ITFG1: variants seen among roughly 807,000 people sequenced by gnomAD.
ITFG1 encodes the protein T-cell immunomodulatory protein.
In ITFG1, 34 loss-of-function variants were observed where a neutral mutation model predicts 81.8. The ratio of observed to expected loss-of-function variants is 0.42; its 90% CI spans 0.32 to 0.55. The LOEUF (loss-of-function observed/expected upper bound fraction) is 0.55. Among genes scored for constraint, ITFG1 ranks in the 20% least tolerant of loss-of-function variants. The pLI is 0.17. For missense variants in ITFG1, 672 were observed against 755.4 expected, an observed-to-expected ratio of 0.89 and a Z score of 1.29; for synonymous variants, 285 against 270.6, an observed-to-expected ratio of 1.05 and a Z score of -0.52.
intron 5 of ITFG1, among the ~76,000 whole-genome samples, chr16:47,439,345 A>T (rs1969213730): frequency 6.6e-6 from 1 of 152,208 alleles, no homozygotes; most frequent in Non-Finnish European, 1.5e-5. Context: ...CACCACAAAG[A>T]TACTCCTCGA....
intron 8 of ITFG1, among the ~76,000 whole-genome samples, chr16:47,362,111 A>AT (rs1209425779): frequency 2.6e-5 from 4 of 152,042 alleles, no homozygotes; most frequent in Admixed American, 2.6e-4. Context: ...TTCAGAGTCA[A>AT]TTTTTTACTT....
intron 6 of ITFG1, among the ~76,000 whole-genome samples, chr16:47,398,063 C>T (rs1369328511): frequency 6.6e-6 from 1 of 152,212 alleles, no homozygotes; most frequent in Non-Finnish European, 1.5e-5. Flanking sequence ...TTAGAGCAGT[C>T]AAGCCCTGGA....
intron 14 of ITFG1, among the ~76,000 whole-genome samples, chr16:47,184,861 A>C (rs1182699296): frequency 6.6e-6 from 1 of 152,210 alleles, no homozygotes; most frequent in Non-Finnish European, 1.5e-5. Flanking sequence ...AAGACCCATC[A>C]GTGTGCTATA....
At chr16:47,362,481 C>T (rs1290199841) in intron 8 of ITFG1, among the ~76,000 whole-genome samples, 1 of 152,220 alleles carries the variant, frequency 6.6e-6, no homozygotes. Flanking sequence ...ATCACTTCTA[C>T]AGAATAAAAT....
At chr16:47,222,898 G>C (rs528728649) in intron 13 of ITFG1, among the ~76,000 whole-genome samples, 30 of 152,298 alleles carry the variant, frequency 2.0e-4, no homozygotes, top group Non-Finnish European at 3.2e-4. Context: ...GGGGTGGAGA[G>C]TTCTGTAGAT....
intron 8 of ITFG1, among the ~76,000 whole-genome samples, chr16:47,345,781 G>A (rs1198823526): frequency 6.6e-6 from 1 of 152,120 alleles, no homozygotes; most frequent in Non-Finnish European, 1.5e-5. Flanking sequence ...GCAAAGAAAT[G>A]GTACTATAAT....
intron 14 of ITFG1, among the ~76,000 whole-genome samples, chr16:47,181,414 CCCCCGCCCGGCCAGCCG>C (rs1480462835): frequency 6.8e-6 from 1 of 146,318 alleles, no homozygotes; most frequent in Non-Finnish European, 1.5e-5. Flanking sequence ...GGGGTCAGCC[CCCCCGCCCGGCCAGCCG>C]CCCCGTCCGG....
At chr16:47,457,314 A>G (rs1032543929) in intron 2 of ITFG1, among the ~76,000 whole-genome samples, 4 of 145,882 alleles carry the variant, frequency 2.7e-5, no homozygotes, top group East Asian at 3.9e-4. Flanking sequence ...CTGTCTCAAG[A>G]AAAAAAAAAA....
At chr16:47,166,421 G>C (rs980292612) in intron 14 of ITFG1, among the ~76,000 whole-genome samples, 2 of 152,000 alleles carry the variant, frequency 1.3e-5, no homozygotes, top group African/African-American at 4.8e-5. Context: ...TTTTCTCCAA[G>C]GCAAGTGCAT....
chr16:47,226,109 GT>G (rs1207448105), intron 13 of ITFG1, among the ~76,000 whole-genome samples: 3 of 152,194 alleles, frequency 2.0e-5, no homozygotes, highest in Non-Finnish European at 2.9e-5. Context: ...TTAGAGCAAA[GT>G]TTTTACAAGC....
intron 5 of ITFG1, among the ~76,000 whole-genome samples, chr16:47,436,820 G>T (rs1350471421): frequency 2.0e-5 from 3 of 152,078 alleles, no homozygotes; most frequent in Non-Finnish European, 4.4e-5. Flanking sequence ...AGTTGTAAAA[G>T]GATGCATAAT....
intron 13 of ITFG1, among the ~76,000 whole-genome samples, chr16:47,237,363 A>G (rs1965888569): frequency 6.6e-6 from 1 of 152,188 alleles, no homozygotes; most frequent in African/African-American, 2.4e-5. Context: ...ATAGGGGCTA[A>G]TTTCTTATGA....
chr16:47,289,155 T>C (rs1297197244), intron 10 of ITFG1, among the ~76,000 whole-genome samples: 3 of 152,228 alleles, frequency 2.0e-5, no homozygotes, highest in Non-Finnish European at 4.4e-5. Flanking sequence ...GTATCACATT[T>C]ATTGAATTGT....
At chr16:47,460,642 G>A (rs541844333) in intron 1 of ITFG1, among the ~76,000 whole-genome samples, 196 bp downstream of exon 1, 1 of 152,278 alleles carries the variant, frequency 6.6e-6, no homozygotes, top group African/African-American at 2.4e-5. Context: ...CAAACTGTAG[G>A]GTAGCTGGGT....
intron 10 of ITFG1, among the ~76,000 whole-genome samples, chr16:47,309,226 G>A (rs755818874): frequency 4.0e-5 from 6 of 151,850 alleles, no homozygotes; most frequent in East Asian, 1.9e-4. Flanking sequence ...CCACCACCAC[G>A]CCCAGCTAAT....
At chr16:47,455,969 A>T (rs1969447769) in intron 2 of ITFG1, among the ~76,000 whole-genome samples, 1 of 152,084 alleles carries the variant, frequency 6.6e-6, no homozygotes, top group African/African-American at 2.4e-5. Flanking sequence ...TTTTCAAAGA[A>T]ATATTTAATA....
At chr16:47,260,829 T>C in intron 10 of ITFG1, 134 bp from the exon 11 acceptor site, 1 of 957,646 alleles carries the variant, frequency 1.0e-6, no homozygotes, top group East Asian at 2.6e-5. Flanking sequence ...TCCACATTTT[T>C]TGTTTATAGT....
chr16:47,294,265 T>C (rs1476879644), intron 10 of ITFG1, among the ~76,000 whole-genome samples: 2 of 152,142 alleles, frequency 1.3e-5, no homozygotes, highest in African/African-American at 4.8e-5. Context: ...TACTATAGCC[T>C]TGTATTATAA....
chr16:47,366,435 G>GC (rs770743946), intron 7 of ITFG1, among the ~76,000 whole-genome samples: 3 of 152,330 alleles, frequency 2.0e-5, no homozygotes, highest in Non-Finnish European at 2.9e-5. Flanking sequence ...GCAAAGGATT[G>GC]CAACAGCAGC....
Sources: gnomAD v4.1 joint callset for allele counts (sites outside exome capture counted in the v4.1 genomes callset) on GRCh38, gnomAD v4.1.1 for gene constraint, MANE v1.5 for transcripts, NCBI Gene and HGNC (gene_info 2026-07-23, HGNC 2026-07-21) for gene names.